Variants in TASP1 observed in about 807,000 individuals in gnomAD.
The protein encoded by TASP1 is taspase 1, also known as threonine aspartase 1.
TASP1 carries 16 observed loss-of-function variants against 56.6 expected under a neutral mutation model. That is an observed-to-expected ratio of 0.28 (90% CI 0.19 to 0.43). The LOEUF (loss-of-function observed/expected upper bound fraction) is 0.43. TASP1 is among the 20% of genes least tolerant of loss of function. The probability of loss-of-function intolerance (pLI) is 1.00; values close to 1 mark genes in which losing one functional copy is unlikely to be tolerated. For synonymous variants in TASP1, 179 were observed against 184.2 expected, an observed-to-expected ratio of 0.97 and a Z score of 0.23; for missense variants, 393 against 511.6, an observed-to-expected ratio of 0.77 and a Z score of 2.24.
chr20:13,500,635 C>A (rs1229704646), intron 10 of TASP1, among the ~76,000 whole-genome samples: 2 of 151,660 alleles, frequency 1.3e-5, no homozygotes, highest in Admixed American at 6.6e-5. Flanking sequence ...AGTGAAAATG[C>A]ATTCAGTGGG....
intron 10 of TASP1, among the ~76,000 whole-genome samples, chr20:13,521,632 T>A (rs1322201511): frequency 3.9e-5 from 1 of 25,818 alleles, no homozygotes. Flanking sequence ...GGGCTTGTTG[T>A]GGGGTGGGGG....
intron 12 of TASP1, among the ~76,000 whole-genome samples, chr20:13,430,802 A>G (rs2042779343): frequency 6.6e-6 from 1 of 152,196 alleles, no homozygotes; most frequent in African/African-American, 2.4e-5. Context: ...TTCATACCTG[A>G]GATTCTCCGA....
rs765662491 is a variant in TASP1 at position 13,569,622 on chromosome 20, G to T, written c.489-36C>A. 2.6e-6 allele frequency: 4 copies of T among 1,546,470 alleles called. No homozygotes were observed. In the Admixed American group the frequency reaches 5.0e-5, roughly 19 times the overall value. ...AAAAATTATTTTTAAAATTCACAGT[G>T]TCATCTTCTCCTACATATTCAATAA... On this transcript the variant is annotated intron_variant, in intron 6 of 13. Coordinates refer to ENST00000337743, the MANE Select transcript of TASP1 (RefSeq NM_017714.3).
chr20:13,413,919 C>T (rs1386191952), intron 13 of TASP1, among the ~76,000 whole-genome samples: 1 of 151,944 alleles, frequency 6.6e-6, no homozygotes, highest in Non-Finnish European at 1.5e-5. Context: ...GCCCTTTACC[C>T]CTAGATGCAT....
intron 4 of TASP1, among the ~76,000 whole-genome samples, chr20:13,598,250 G>C (rs548119500): frequency 1.3e-5 from 2 of 152,264 alleles, no homozygotes; most frequent in Non-Finnish European, 2.9e-5. Context: ...AAAGAACAAA[G>C]CTGGAGGCAT....
At chr20:13,201,042 A>C in the TASP1 span, among the ~76,000 whole-genome samples, 1 of 152,210 alleles carries the variant, frequency 6.6e-6, no homozygotes, top group Non-Finnish European at 1.5e-5. Flanking sequence ...CTGAGTCTGA[A>C]TGACAGTCTC....
At chr20:13,138,547 C>T in the TASP1 span, among the ~76,000 whole-genome samples, 38 of 152,266 alleles carry the variant, frequency 2.5e-4, no homozygotes, top group Admixed American at 1.0e-3. Context: ...GCATCAAATA[C>T]GTGAGTGAAT....
chr20:13,433,560 T>C (rs1468695504), intron 12 of TASP1, among the ~76,000 whole-genome samples: 3 of 147,870 alleles, frequency 2.0e-5, no homozygotes, highest in Non-Finnish European at 4.4e-5. Flanking sequence ...GTGGTTAGTG[T>C]CCAGGTGGAG....
chr20:13,187,732 CAAAAAAAAAA>C, the TASP1 span, among the ~76,000 whole-genome samples: 2 of 57,154 alleles, frequency 3.5e-5, no homozygotes, highest in South Asian at 9.3e-4. Context: ...GACTCCATCT[CAAAAAAAAAA>C]AAAAAAAAAA....
chr20:13,282,644 T>G, the TASP1 span, among the ~76,000 whole-genome samples: 13,698 of 152,210 alleles, frequency 0.09, 2,016 homozygotes, highest in African/African-American at 0.3. Flanking sequence ...TCCTGTATTA[T>G]TTCAAAGTAC....
chr20:13,463,181 T>C (rs1408968380), intron 11 of TASP1, among the ~76,000 whole-genome samples: 1 of 152,108 alleles, frequency 6.6e-6, no homozygotes, highest in Non-Finnish European at 1.5e-5. Flanking sequence ...TATAGATCGA[T>C]GGAATAGAAT....
At chr20:13,459,250 C>T (rs73901182) in intron 11 of TASP1, among the ~76,000 whole-genome samples, 4,957 of 152,202 alleles carry the variant, frequency 0.033, 265 homozygotes, top group African/African-American at 0.11. Flanking sequence ...TTCCCAGTAA[C>T]ATCACCTCTT....
chr20:13,345,446 T>C, the TASP1 span, among the ~76,000 whole-genome samples: 3 of 152,138 alleles, frequency 2.0e-5, no homozygotes, highest in South Asian at 4.1e-4. Flanking sequence ...CTGTAGTGCC[T>C]CCATCCCTCC....
intron 13 of TASP1, among the ~76,000 whole-genome samples, chr20:13,402,497 T>A (rs781690732): frequency 2.0e-5 from 3 of 152,216 alleles, no homozygotes; most frequent in Non-Finnish European, 4.4e-5. Flanking sequence ...CCACTTTTCC[T>A]GTGGTTTATA....
chr20:13,202,486 AATTT>A, the TASP1 span, among the ~76,000 whole-genome samples: 5 of 152,358 alleles, frequency 3.3e-5, no homozygotes, highest in East Asian at 9.6e-4. Context: ...ACGTTTCTGA[AATTT>A]TAACATTCAG....
chr20:13,597,146 A>C (rs1031362709), intron 4 of TASP1, among the ~76,000 whole-genome samples: 2 of 152,240 alleles, frequency 1.3e-5, no homozygotes, highest in African/African-American at 4.8e-5. Context: ...TATTCCAATC[A>C]ATAGAAAAAG....
Position 13,457,755 on chromosome 20 carries a change from A to G in TASP1, c.986-22601T>C, listed in dbSNP as rs182964528. Among the ~76,000 whole-genome samples, 136 of 152,320 alleles carry G rather than the reference A, an allele frequency of 8.9e-4. 1 individual carries two copies. Among genetic ancestry groups the G allele is most frequent in the African/African-American group, 3.1e-3 (129 of 41,586 alleles). Reference sequence around the variant, plus strand: ...AGAACAAGTTTATCCAAATATGCAGAAACACAGACATTCACAATCTAATAG... The same window carrying G: ...AGAACAAGTTTATCCAAATATGCAGGAACACAGACATTCACAATCTAATAG... On this transcript the variant is annotated intron_variant, in intron 11 of 13. Transcript: ENST00000337743.
At chr20:13,466,024 C>T (rs941485887) in intron 11 of TASP1, among the ~76,000 whole-genome samples, 2 of 152,052 alleles carry the variant, frequency 1.3e-5, no homozygotes, top group African/African-American at 2.4e-5. Flanking sequence ...GCTGGGGAAA[C>T]TGAGTAACAT....
At chr20:13,434,371 C>G (rs139587373) in intron 12 of TASP1, among the ~76,000 whole-genome samples, 228 of 152,186 alleles carry the variant, frequency 1.5e-3, no homozygotes, top group Non-Finnish European at 2.6e-3. Context: ...AAAAGGCAAC[C>G]CTGTGGTCAG....
Sources: gnomAD v4.1 joint callset for allele counts (sites outside exome capture counted in the v4.1 genomes callset) on GRCh38, gnomAD v4.1.1 for gene constraint, MANE v1.5 for transcripts, NCBI Gene and HGNC (gene_info 2026-07-23, HGNC 2026-07-21) for gene names.